Variants in ANKRD33B observed in about 807,000 individuals in gnomAD.
ANKRD33B encodes ankyrin repeat domain 33B, also known as ankyrin repeat domain-containing protein 33B.
Under a neutral mutation model 21.5 loss-of-function variants are expected in ANKRD33B, and 6 were observed. That is an observed-to-expected ratio of 0.28 (90% CI 0.15 to 0.55). The LOEUF (loss-of-function observed/expected upper bound fraction) is 0.55, where lower values mean the gene tolerates loss of function less well. Ranked by LOEUF, ANKRD33B falls within the 20% of genes least tolerant of loss-of-function variation. The pLI is 0.94. For synonymous variants in ANKRD33B, 347 were observed against 342.4 expected, an observed-to-expected ratio of 1.01 and a Z score of -0.15; for missense variants, 698 against 747.2, an observed-to-expected ratio of 0.93 and a Z score of 0.77.
In ANKRD33B at chr5:10,576,435, T is replaced by C. The variant is rs1311857147; in HGVS notation, c.366+11602T>C. Among the ~76,000 whole-genome samples the C allele has an allele frequency of 6.6e-6, 1 of 152,170 alleles. No individual in the cohort carries two copies. The highest frequency in any genetic ancestry group is 1.9e-4 in the East Asian group (1 of 5,194). On this transcript the variant is annotated intron_variant, in intron 1 of 3. Transcript: ENST00000296657. The surrounding 1 kb of genome is among the most constrained non-coding windows in gnomAD (Gnocchi z 4.1). ...GTCCTGAGATGATTTGCACATACATTTAAGTTTCAGGAGTTCTAGAACTTT... is the reference window on the plus strand; with the variant it reads ...GTCCTGAGATGATTTGCACATACATCTAAGTTTCAGGAGTTCTAGAACTTT...
intron 1 of ANKRD33B, among the ~76,000 whole-genome samples, chr5:10,580,197 C>T (rs1735413796): frequency 6.6e-6 from 1 of 152,236 alleles, no homozygotes; most frequent in Non-Finnish European, 1.5e-5. Context: ...AAGGGTCTCA[C>T]CATAAATTAC....
rs146807329 is a variant in ANKRD33B at position 10,634,495 on chromosome 5, T to G, written c.497-3533T>G. On this transcript the variant is annotated intron_variant, in intron 2 of 3. Coordinates refer to ENST00000296657, the MANE Select transcript of ANKRD33B (RefSeq NM_001164440.2). ...TTTTTTTTGAGACAGGGTCTCACTC[T>G]GTCGTCCAGGCTGGAGTTCAGTGGT... Among the ~76,000 whole-genome samples the G allele has an allele frequency of 4.5e-3, 668 of 148,792 alleles. 5 individuals carry two copies. Among genetic ancestry groups the G allele is most frequent in the African/African-American group, 0.016 (653 of 40,434 alleles).
intron 1 of ANKRD33B, among the ~76,000 whole-genome samples, chr5:10,569,953 T>C (rs1735141293): frequency 6.6e-6 from 1 of 152,236 alleles, no homozygotes; most frequent in Admixed American, 6.5e-5. Context: ...ATCAGCTCAC[T>C]GCAACCTCCG....
chr5:10,611,184 A>G (rs1736164121), intron 1 of ANKRD33B, among the ~76,000 whole-genome samples: 1 of 152,246 alleles, frequency 6.6e-6, no homozygotes, highest in Non-Finnish European at 1.5e-5. Flanking sequence ...AAAGCACAAA[A>G]AGGCATTTCA....
At chr5:10,642,414 G>T (rs953696386) in intron 3 of ANKRD33B, among the ~76,000 whole-genome samples, 32 of 152,170 alleles carry the variant, frequency 2.1e-4, no homozygotes, top group African/African-American at 6.8e-4. Flanking sequence ...ATTATTGTCT[G>T]TGGGATCCTC....
At chr5:10,633,743 A>T (rs1038741349) in intron 2 of ANKRD33B, among the ~76,000 whole-genome samples, 4 of 152,006 alleles carry the variant, frequency 2.6e-5, no homozygotes. Flanking sequence ...TTTGAGGAGG[A>T]CTGGTCAGGT....
chr5:10,617,648 C>T (rs6870831), intron 1 of ANKRD33B, among the ~76,000 whole-genome samples: 141,132 of 152,186 alleles, frequency 0.93, 65,551 homozygotes, highest in Middle Eastern at 0.97. Flanking sequence ...GATTGGCAGC[C>T]GATGGCTCAG....
intron 2 of ANKRD33B, among the ~76,000 whole-genome samples, chr5:10,629,145 C>T (rs1020883572): frequency 2.0e-5 from 3 of 152,034 alleles, no homozygotes; most frequent in Non-Finnish European, 2.9e-5. Flanking sequence ...GTCAGAGGCC[C>T]CTGTTGGTGT....
intron 1 of ANKRD33B, among the ~76,000 whole-genome samples, chr5:10,606,291 C>T (rs570311996): frequency 7.9e-5 from 12 of 152,250 alleles, no homozygotes; most frequent in Admixed American, 2.0e-4. Flanking sequence ...TTATCAAATC[C>T]TGATTACAGG....
At chr5:10,610,603 C>A (rs1025545825) in intron 1 of ANKRD33B, among the ~76,000 whole-genome samples, 2 of 152,228 alleles carry the variant, frequency 1.3e-5, no homozygotes, top group African/African-American at 4.8e-5. Context: ...CATGGATGAA[C>A]ATGCAGAGAC....
At chr5:10,626,191 G>A (rs1204012092) in intron 2 of ANKRD33B, among the ~76,000 whole-genome samples, 2 of 152,244 alleles carry the variant, frequency 1.3e-5, no homozygotes. Context: ...ACCTCATTGG[G>A]GCGGAAACTG....
chr5:10,609,509 C>G (rs1438508401), intron 1 of ANKRD33B, among the ~76,000 whole-genome samples: 1 of 152,094 alleles, frequency 6.6e-6, no homozygotes, highest in Non-Finnish European at 1.5e-5. Context: ...CCGTGATGCA[C>G]TCCAGCAGGT....
At chr5:10,644,495 C>T (rs1034570967) in intron 3 of ANKRD33B, among the ~76,000 whole-genome samples, 9 of 152,108 alleles carry the variant, frequency 5.9e-5, no homozygotes, top group African/African-American at 1.4e-4. Context: ...GTGTAACTGC[C>T]GCAGCCTTCA....
intron 2 of ANKRD33B, among the ~76,000 whole-genome samples, chr5:10,621,574 A>T (rs952844076): frequency 7.9e-5 from 12 of 152,244 alleles, no homozygotes; most frequent in African/African-American, 2.9e-4. Flanking sequence ...AAGCTTAAAA[A>T]TTTGACTCTT....
At position 10,650,070 on chromosome 5, in the gene ANKRD33B, C is replaced by A; in HGVS notation, c.1442C>A (p.Ala481Glu). 6.5e-7 allele frequency: 1 copy of A among 1,529,128 alleles called. No individual in the cohort carries two copies. The highest frequency in any genetic ancestry group is 8.8e-7 in the Non-Finnish European group (1 of 1,142,698). The allele number at this position is 1,529,128 out of a possible 1,614,324, so 94.7% of individuals were successfully genotyped here. ...EEAEKKRQAE[A>E]QKERRTAPWK... ...GCCGAAAAGAAGCGCCAGGCCGAGG[C>A]GCAGAAGGAGAGGCGCACTGCGCCC... Residue 481 changes from alanine to glutamate, a missense_variant, in exon 4 of 4, where the codon GCG becomes GAG. Ala to Glu is a moderately radical substitution (Grantham distance 107, BLOSUM62 -1). This residue lies in a region of ANKRD33B where 543 missense variants were observed against 566.5 expected (regional missense o/e 0.96). Transcript: ENST00000296657.
intron 1 of ANKRD33B, among the ~76,000 whole-genome samples, chr5:10,598,101 C>T (rs575856228): frequency 1.3e-5 from 2 of 152,278 alleles, no homozygotes; most frequent in East Asian, 1.9e-4. Flanking sequence ...GCCTCCATCT[C>T]TTCTAAGTTT....
chr5:10,602,439 C>G (rs1044293848), intron 1 of ANKRD33B, among the ~76,000 whole-genome samples: 2 of 152,234 alleles, frequency 1.3e-5, no homozygotes, highest in Non-Finnish European at 2.9e-5. Flanking sequence ...GTTGTTAATT[C>G]TGCATCCATT....
In ANKRD33B at chr5:10,656,408, T is replaced by G. The variant is rs1437762291; in HGVS notation, c.*6295T>G. The G allele has an allele frequency of 2.0e-5, 3 of 152,318 alleles. No individual in the cohort carries two copies. The highest frequency in any genetic ancestry group is 2.0e-4 in the Admixed American group (3 of 15,284). 9.4% of individuals were successfully genotyped at this position (152,318 alleles called of 1,614,324 possible). Reference sequence around the variant, plus strand: ...TGGACAGTGTACACTAAGCTGTGAGTGTGTGCACGGGCGAGCACATGTATG... The same window carrying G: ...TGGACAGTGTACACTAAGCTGTGAGGGTGTGCACGGGCGAGCACATGTATG... On this transcript the variant is annotated 3_prime_UTR_variant, in exon 4 of 4. Coordinates refer to ENST00000296657, the MANE Select transcript of ANKRD33B (RefSeq NM_001164440.2).
intron 2 of ANKRD33B, among the ~76,000 whole-genome samples, chr5:10,620,955 T>G (rs1579740297): frequency 6.6e-6 from 1 of 152,376 alleles, no homozygotes; most frequent in African/African-American, 2.4e-5. Flanking sequence ...TATTTTACAC[T>G]TATTATCTGA....
Sources: gnomAD v4.1 joint callset for allele counts (sites outside exome capture counted in the v4.1 genomes callset) on GRCh38, gnomAD v4.1.1 for gene constraint, gnomAD v4.1.1 regional missense constraint, Gnocchi (gnomAD v3.1) non-coding constraint, MANE v1.5 for transcripts, NCBI Gene and HGNC (gene_info 2026-07-23, HGNC 2026-07-21) for gene names.